PCNA: variants seen among roughly 807,000 people sequenced by gnomAD.
PCNA encodes proliferating cell nuclear antigen.
PCNA carries 4 observed loss-of-function variants against 27.8 expected under a neutral mutation model. The ratio of observed to expected loss-of-function variants is 0.14; its 90% confidence interval spans 0.07 to 0.33. The LOEUF (loss-of-function observed/expected upper bound fraction) is 0.33. Among genes scored for constraint, PCNA ranks in the 10% least tolerant of loss-of-function variants. PCNA has a pLI of 1.00. For missense variants in PCNA, 165 were observed against 327.4 expected, an observed-to-expected ratio of 0.50 and a Z score of 3.83; for synonymous variants, 121 against 119.4, an observed-to-expected ratio of 1.01 and a Z score of -0.09.
upstream of PCNA, among the ~76,000 whole-genome samples, chr20:5,120,748 T>G (rs7263456): frequency 2.0e-3 from 299 of 152,306 alleles, no homozygotes; most frequent in African/African-American, 6.9e-3. Flanking sequence ...TTTGGTGATA[T>G]CAACTCCTTG....
chr20:5,122,360 T>A (rs898222582), upstream of PCNA, among the ~76,000 whole-genome samples: 2 of 152,250 alleles, frequency 1.3e-5, no homozygotes, highest in East Asian at 3.8e-4. Context: ...TGAAAAAATT[T>A]AAGCTACATT....
Position 5,117,756 on chromosome 20 carries a change from CAG to C in PCNA, c.388-94_388-93del, listed in dbSNP as rs1164312112. 7.4e-6 allele frequency: 5 copies of C among 676,810 alleles called. No homozygotes were observed. The East Asian group carries it at 1.1e-4, about 15-fold the overall frequency. The allele number at this position is 676,810 out of a possible 1,614,324, so 41.9% of individuals were successfully genotyped here. ...CTTAAAAGGCAACACCTAAACAACT[CAG>C]AATCAATATTTTCTGATTACTTTAA... On this transcript the variant is annotated intron_variant, in intron 3 of 5. Coordinates refer to ENST00000379143, the MANE Select transcript of PCNA (RefSeq NM_182649.2).
chr20:5,124,996 C>T (rs902584350), intron 1 of PCNA, among the ~76,000 whole-genome samples: 23 of 152,196 alleles, frequency 1.5e-4, no homozygotes, highest in Admixed American at 4.6e-4. Context: ...TTCATACCTA[C>T]GTGCCCCTGA....
At chr20:5,122,948 G>A (rs184448065), upstream of PCNA, among the ~76,000 whole-genome samples, 9 of 152,316 alleles carry the variant, frequency 5.9e-5, no homozygotes, top group East Asian at 1.5e-3. Context: ...GTACAGTTAC[G>A]TAAATTTTAT....
chr20:5,116,310 C>T (rs1414215732), intron 4 of PCNA, among the ~76,000 whole-genome samples: 2 of 151,718 alleles, frequency 1.3e-5, no homozygotes, highest in East Asian at 3.9e-4. Context: ...CCTGGGTGGA[C>T]AGAGCAAGAC....
At chr20:5,115,889 C>T (rs559813384) in intron 4 of PCNA, among the ~76,000 whole-genome samples, 1 of 152,296 alleles carries the variant, frequency 6.6e-6, no homozygotes, top group Non-Finnish European at 1.5e-5. Context: ...TGGATCTAGA[C>T]AATGACTATT....
intron 4 of PCNA, 92 bp from the exon 5 acceptor site, chr20:5,115,664 A>T (rs1296764310): frequency 1.2e-5 from 13 of 1,091,568 alleles, no homozygotes; most frequent in Non-Finnish European, 1.6e-5. Flanking sequence ...AAACACTTGT[A>T]TTGGTCACTT....
upstream of PCNA, among the ~76,000 whole-genome samples, chr20:5,124,278 C>T (rs147345469): frequency 4.3e-3 from 660 of 152,240 alleles, 2 homozygotes; most frequent in South Asian, 0.012. Flanking sequence ...CACAGAAATT[C>T]GATCTCTAGG....
At chr20:5,116,419 T>C (rs2071790504) in intron 4 of PCNA, among the ~76,000 whole-genome samples, 2 of 151,988 alleles carry the variant, frequency 1.3e-5, no homozygotes, top group South Asian at 4.1e-4. Context: ...GCTCCTAGAC[T>C]TTATTAATTT....
chr20:5,126,468 C>G (rs1476729962), intron 1 of PCNA: 1 of 152,282 alleles, frequency 6.6e-6, no homozygotes, highest in Non-Finnish European at 1.5e-5. Context: ...CTCACCTGGC[C>G]TTTCCATTCG....
chr20:5,121,025 G>C (rs1285671124), upstream of PCNA, among the ~76,000 whole-genome samples: 1 of 151,998 alleles, frequency 6.6e-6, no homozygotes, highest in Non-Finnish European at 1.5e-5. Context: ...GTTTCACCAT[G>C]TTGGCCAGGC....
intron 4 of PCNA, among the ~76,000 whole-genome samples, chr20:5,117,153 G>C (rs1474891217): frequency 6.6e-6 from 1 of 152,006 alleles, no homozygotes; most frequent in Non-Finnish European, 1.5e-5. Flanking sequence ...TCAATTATTT[G>C]GTAAGAGAGT....
At chr20:5,120,189 A>G (rs936582880), upstream of PCNA, among the ~76,000 whole-genome samples, 7 of 152,222 alleles carry the variant, frequency 4.6e-5, no homozygotes, top group African/African-American at 1.2e-4. Flanking sequence ...AAGTCCGGGC[A>G]TATGTGGAGA....
intron 3 of PCNA, 104 bp downstream of exon 3, chr20:5,118,505 TG>T: frequency 1.2e-6 from 1 of 816,790 alleles, no homozygotes; most frequent in Non-Finnish European, 2.0e-6. Context: ...CACTCCAGCC[TG>T]GGCAACAGAG....
At chr20:5,118,969 C>G in intron 1 of PCNA, 103 bp from the exon 2 acceptor site, 1 of 745,366 alleles carries the variant, frequency 1.3e-6, no homozygotes, top group East Asian at 2.5e-5. Flanking sequence ...ATCAGGCCGT[C>G]TCAGAACTGG....
intron 3 of PCNA, 24 bp from the exon 4 acceptor site, chr20:5,117,688 AAAGTT>A: frequency 1.4e-6 from 2 of 1,474,716 alleles, no homozygotes; most frequent in Non-Finnish European, 1.8e-6. Flanking sequence ...AAATTTTCCA[AAAGTT>A]AATTGTTAGA....
At position 5,115,203 on chromosome 20, in the gene PCNA, GA is replaced by G. The variant is rs1363087648; in HGVS notation, c.*79del. On this transcript the variant is annotated 3_prime_UTR_variant, in exon 6 of 6. Coordinates refer to ENST00000379143, the MANE Select transcript of PCNA (RefSeq NM_182649.2). ...ACTTAGAGGTACAAATTTGGTGACAGAAAAGACTTCAGTATATGCTGGCATC... is the reference window on the plus strand; with the variant it reads ...ACTTAGAGGTACAAATTTGGTGACAGAAAGACTTCAGTATATGCTGGCATC... 1.9e-6 allele frequency: 2 copies of G among 1,054,108 alleles called. No individual in the cohort carries two copies. The highest frequency in any genetic ancestry group is 4.0e-5 in the Admixed American group (2 of 50,144). The allele number at this position is 1,054,108 out of a possible 1,614,324, so 65.3% of individuals were successfully genotyped here. A position where few individuals can be genotyped will look rare whatever the true frequency, so the allele number is the denominator to read the frequency against.
At chr20:5,115,751 C>T (rs962443653) in intron 4 of PCNA, among the ~76,000 whole-genome samples, 179 bp from the exon 5 acceptor site, 40 of 152,110 alleles carry the variant, frequency 2.6e-4, no homozygotes, top group African/African-American at 9.7e-4. Context: ...TTTCCTATAG[C>T]TATAATTTAG....
chr20:5,122,502 CTG>C (rs946271238), upstream of PCNA, among the ~76,000 whole-genome samples: 75 of 152,294 alleles, frequency 4.9e-4, no homozygotes, highest in African/African-American at 1.8e-3. Context: ...TCTATTGTCT[CTG>C]GAATTTCTTG....
Sources: gnomAD v4.1 joint callset for allele counts (sites outside exome capture counted in the v4.1 genomes callset) on GRCh38, gnomAD v4.1.1 for gene constraint, MANE v1.5 for transcripts, NCBI Gene and HGNC (gene_info 2026-07-23, HGNC 2026-07-21) for gene names.